Variants in ERCC6 observed in about 807,000 individuals in gnomAD.
The protein encoded by ERCC6 is ERCC excision repair 6, chromatin remodeling factor, also known as DNA excision repair protein ERCC-6.
A neutral mutation model predicts 158.7 loss-of-function variants in ERCC6; 116 were observed. That is an observed-to-expected ratio of 0.73 (90% CI 0.63 to 0.85). ERCC6 has a LOEUF of 0.85. Among genes scored for constraint, ERCC6 ranks in the 40% least tolerant of loss-of-function variants. ERCC6 has a pLI of 0.00. For missense variants in ERCC6, 1,698 were observed against 1,799.4 expected (o/e 0.94, Z 1.02); for synonymous variants, 678 against 659.3 (o/e 1.03, Z -0.43).
At chr10:49,479,213 C>A (rs569029875) in intron 10 of ERCC6, among the ~76,000 whole-genome samples, 1 of 151,904 alleles carries the variant, frequency 6.6e-6, no homozygotes, top group East Asian at 1.9e-4. Flanking sequence ...TCTAAATAGG[C>A]TTAACAACTT....
chr10:49,498,083 A>G (rs1564429135), intron 7 of ERCC6, among the ~76,000 whole-genome samples: 1 of 152,222 alleles, frequency 6.6e-6, no homozygotes, highest in East Asian at 1.9e-4. Flanking sequence ...TCCATTATGA[A>G]GGGGAACACA....
intron 8 of ERCC6, 122 bp downstream of exon 8, chr10:49,492,991 AACTT>A: frequency 1.1e-6 from 1 of 949,964 alleles, no homozygotes. Context: ...ATAATAAATT[AACTT>A]TAAATGCAGG....
chr10:49,439,422 G>A, the ERCC6 span, among the ~76,000 whole-genome samples: 1 of 152,234 alleles, frequency 6.6e-6, no homozygotes, highest in Non-Finnish European at 1.5e-5. Flanking sequence ...CAGCTGGGAT[G>A]CAGGACACCA....
At chr10:49,493,010 A>G in intron 8 of ERCC6, 107 bp downstream of exon 8, 2 of 1,194,720 alleles carry the variant, frequency 1.7e-6, no homozygotes, top group East Asian at 2.5e-5. Flanking sequence ...TGCAGGAAAA[A>G]AAACACAGGA....
At chr10:49,515,024 G>A (rs1458093381) in intron 5 of ERCC6, among the ~76,000 whole-genome samples, 2 of 152,204 alleles carry the variant, frequency 1.3e-5, no homozygotes, top group South Asian at 2.1e-4. Flanking sequence ...TGAAAGGTGT[G>A]TGCAGAGCAG....
chr10:49,473,888 A>T (rs1413452266), intron 13 of ERCC6, 139 bp downstream of exon 13: 1 of 850,618 alleles, frequency 1.2e-6, no homozygotes, highest in Non-Finnish European at 1.9e-6. Context: ...CTAAACTCCC[A>T]AAGAAATCGG....
the ERCC6 span, among the ~76,000 whole-genome samples, chr10:49,435,293 T>C: frequency 6.6e-6 from 1 of 152,192 alleles, no homozygotes; most frequent in African/African-American, 2.4e-5. Context: ...GTTCAGTAAT[T>C]GATAGATTAA....
the ERCC6 span, among the ~76,000 whole-genome samples, chr10:49,436,991 G>A: frequency 6.6e-6 from 1 of 152,192 alleles, no homozygotes; most frequent in Non-Finnish European, 1.5e-5. Context: ...ATCTTGAATT[G>A]TAGCTCCCAT....
chr10:49,520,156 T>A (rs1837113970), intron 5 of ERCC6, among the ~76,000 whole-genome samples: 1 of 152,208 alleles, frequency 6.6e-6, no homozygotes, highest in African/African-American at 2.4e-5. Context: ...AAGACTGACT[T>A]ATTTCCATCC....
intron 8 of ERCC6, among the ~76,000 whole-genome samples, chr10:49,487,045 C>T (rs1036608849): frequency 1.3e-5 from 2 of 152,206 alleles, no homozygotes; most frequent in African/African-American, 2.4e-5. Context: ...TAATCACAAT[C>T]ATCTAATACA....
chr10:49,503,783 A>G (rs1228067877), intron 6 of ERCC6: 1 of 152,124 alleles, frequency 6.6e-6, no homozygotes, highest in Non-Finnish European at 1.5e-5. Context: ...CTCTTTAGGG[A>G]CAGTTAAAGA....
intron 4 of ERCC6, chr10:49,525,071 G>C (rs896910894): frequency 6.2e-6 from 3 of 484,616 alleles, no homozygotes; most frequent in Non-Finnish European, 6.7e-6. Context: ...TATAAATACA[G>C]TTATAAATAG....
chr10:49,440,052 C>G, the ERCC6 span, among the ~76,000 whole-genome samples: 1 of 152,222 alleles, frequency 6.6e-6, no homozygotes, highest in South Asian at 2.1e-4. Flanking sequence ...GCCTTCCAAA[C>G]TGTTCTAACC....
At chr10:49,497,010 C>T (rs952180324) in intron 7 of ERCC6, among the ~76,000 whole-genome samples, 2 of 152,292 alleles carry the variant, frequency 1.3e-5, no homozygotes, top group East Asian at 1.9e-4. Context: ...TAACCTATGT[C>T]CACTTTGAAA....
the ERCC6 span, among the ~76,000 whole-genome samples, chr10:49,442,535 A>G: frequency 6.6e-6 from 1 of 152,280 alleles, no homozygotes; most frequent in Admixed American, 6.5e-5. Flanking sequence ...GATATGCATT[A>G]GTCAGATTTT....
At chr10:49,478,909 G>A (rs1254554962) in intron 10 of ERCC6, among the ~76,000 whole-genome samples, 1 of 152,134 alleles carries the variant, frequency 6.6e-6, no homozygotes. Context: ...CAAAGCTGAA[G>A]ATCAAAAGCT....
chr10:49,468,817 A>G (rs1850722124), intron 18 of ERCC6, among the ~76,000 whole-genome samples: 1 of 152,336 alleles, frequency 6.6e-6, no homozygotes, highest in African/African-American at 2.4e-5. Context: ...CAGAATACAA[A>G]TTGAGCTCAG....
intron 18 of ERCC6, among the ~76,000 whole-genome samples, chr10:49,465,299 T>G (rs1850655231): frequency 6.6e-6 from 1 of 152,212 alleles, no homozygotes. Context: ...TTTCTCCCAT[T>G]TGGAATGGCT....
At chr10:49,465,332 C>T (rs2209281) in intron 18 of ERCC6, among the ~76,000 whole-genome samples, 64,822 of 152,054 alleles carry the variant, frequency 0.43, 14,845 homozygotes, top group Non-Finnish European at 0.51. Context: ...TGCCTGTAAC[C>T]CTATTGTATC....
Sources: allele counts gnomAD v4.1 joint callset (sites outside exome capture counted in the v4.1 genomes callset), GRCh38; gene constraint gnomAD v4.1.1; transcripts MANE v1.5; gene names NCBI Gene and HGNC (gene_info 2026-07-23, HGNC 2026-07-21).